The following TENM3 variants were observed in gnomAD, a reference collection of about 807,000 sequenced individuals.
The protein encoded by TENM3 is teneurin transmembrane protein 3.
Under a neutral mutation model 255.1 loss-of-function variants are expected in TENM3, and 63 were observed. That is an observed-to-expected ratio of 0.25 (90% confidence interval 0.20 to 0.30). TENM3 has a LOEUF of 0.30. Among genes scored for constraint, TENM3 ranks in the 10% least tolerant of loss-of-function variants. The pLI is 1.00. For synonymous variants in TENM3, 1,306 were observed against 1,322.3 expected (o/e 0.99, Z 0.27); for missense variants, 2,929 against 3,461.1 (o/e 0.85, Z 3.86).
chr4:181,697,206 A>G, the TENM3 span, among the ~76,000 whole-genome samples: 2 of 152,156 alleles, frequency 1.3e-5, no homozygotes, highest in Non-Finnish European at 2.9e-5. Flanking sequence ...GTGAACTGAG[A>G]GTGGCGAGTG....
chr4:181,554,752 A>G, the TENM3 span, among the ~76,000 whole-genome samples: 2 of 152,238 alleles, frequency 1.3e-5, no homozygotes, highest in Admixed American at 1.3e-4. Context: ...TTCATACTGA[A>G]GTTGACAACC....
At chr4:182,171,594 C>T (rs1163528189) in intron 1 of TENM3, among the ~76,000 whole-genome samples, 1 of 152,138 alleles carries the variant, frequency 6.6e-6, no homozygotes, top group East Asian at 1.9e-4. Context: ...CTCTCAGTCT[C>T]TTGGGTAGTT....
At chr4:181,560,839 T>G in the TENM3 span, among the ~76,000 whole-genome samples, 5 of 152,180 alleles carry the variant, frequency 3.3e-5, no homozygotes, top group Non-Finnish European at 7.3e-5. Context: ...CTGCTCACGG[T>G]GCAGGGCAAA....
the TENM3 span, among the ~76,000 whole-genome samples, chr4:182,008,071 A>G: frequency 6.6e-6 from 1 of 152,138 alleles, no homozygotes; most frequent in Non-Finnish European, 1.5e-5. Flanking sequence ...TCTGGCTTGT[A>G]GAGTTTCTGC....
chr4:181,522,645 A>G, the TENM3 span: 1 of 586,072 alleles, frequency 1.7e-6, no homozygotes, highest in Non-Finnish European at 3.3e-6. Flanking sequence ...TGTTGTAGCC[A>G]TAGTTTTCAG....
intron 3 of TENM3, among the ~76,000 whole-genome samples, chr4:182,599,875 ATC>A (rs1747658642): frequency 1.3e-5 from 2 of 152,226 alleles, no homozygotes; most frequent in African/African-American, 2.4e-5. Flanking sequence ...GTGGAACCAT[ATC>A]AGTTTAGCAT....
At chr4:182,689,865 A>T (rs1756882217) in intron 12 of TENM3, among the ~76,000 whole-genome samples, 1 of 152,230 alleles carries the variant, frequency 6.6e-6, no homozygotes, top group Non-Finnish European at 1.5e-5. Context: ...GCAATTTTTT[A>T]GCTCATCAGC....
At chr4:182,791,952 G>A (rs1766134844) in intron 25 of TENM3, among the ~76,000 whole-genome samples, 1 of 152,120 alleles carries the variant, frequency 6.6e-6, no homozygotes, top group Non-Finnish European at 1.5e-5. Flanking sequence ...CTGTAAAGCA[G>A]CTTTGATCAT....
chr4:182,701,314 G>A (rs1222715395), intron 12 of TENM3, among the ~76,000 whole-genome samples: 2 of 136,184 alleles, frequency 1.5e-5, no homozygotes, highest in Non-Finnish European at 3.1e-5. Context: ...TCCGCCTCCT[G>A]GGTTCAAGCA....
At chr4:181,536,736 T>G in the TENM3 span, among the ~76,000 whole-genome samples, 1 of 152,376 alleles carries the variant, frequency 6.6e-6, no homozygotes, top group Non-Finnish European at 1.5e-5. Context: ...AAAATAGCTT[T>G]CATTATTCTG....
intron 6 of TENM3, among the ~76,000 whole-genome samples, chr4:182,660,142 A>G (rs1161063722): frequency 6.6e-6 from 1 of 152,224 alleles, no homozygotes; most frequent in African/African-American, 2.4e-5. Context: ...TGTCACTATT[A>G]CTATTTAATG....
At chr4:182,114,691 G>C in the TENM3 span, among the ~76,000 whole-genome samples, 1 of 152,104 alleles carries the variant, frequency 6.6e-6, no homozygotes, top group African/African-American at 2.4e-5. Flanking sequence ...GTTAGAGCCA[G>C]GTGGGTACTA....
At chr4:181,567,541 C>G in the TENM3 span, among the ~76,000 whole-genome samples, 2 of 152,108 alleles carry the variant, frequency 1.3e-5, no homozygotes, top group African/African-American at 4.8e-5. Context: ...ACAGTTTCTA[C>G]CAAAACACCA....
the TENM3 span, among the ~76,000 whole-genome samples, chr4:181,659,586 A>G: frequency 1.3e-5 from 2 of 152,226 alleles, no homozygotes; most frequent in East Asian, 1.9e-4. Context: ...CTAACTAAAC[A>G]TTAGTCAAAG....
the TENM3 span, among the ~76,000 whole-genome samples, chr4:181,700,223 T>C: frequency 1.0e-5 from 1 of 95,542 alleles, no homozygotes; most frequent in African/African-American, 4.3e-5. Flanking sequence ...TTATTTTATT[T>C]CAGGGTCTTT....
intron 11 of TENM3, among the ~76,000 whole-genome samples, chr4:182,683,428 A>G (rs1051147058): frequency 6.6e-6 from 1 of 152,180 alleles, no homozygotes; most frequent in Non-Finnish European, 1.5e-5. Context: ...AGCATTTCAG[A>G]TTTTGTATTT....
chr4:181,648,692 C>A, the TENM3 span, among the ~76,000 whole-genome samples: 1 of 152,168 alleles, frequency 6.6e-6, no homozygotes, highest in African/African-American at 2.4e-5. Context: ...TAAGGTATAT[C>A]CTGTACTAGC....
At chr4:182,619,502 C>A (rs1445255161) in intron 4 of TENM3, among the ~76,000 whole-genome samples, 1 of 151,786 alleles carries the variant, frequency 6.6e-6, no homozygotes, top group Non-Finnish European at 1.5e-5. Context: ...GCCAGATCAA[C>A]AAAGAAACAA....
chr4:182,333,447 T>G (rs978798029), intron 2 of TENM3, among the ~76,000 whole-genome samples: 2 of 152,164 alleles, frequency 1.3e-5, no homozygotes, highest in Non-Finnish European at 2.9e-5. Flanking sequence ...AGAAATCTAC[T>G]AACATAATTA....
Sources: allele counts gnomAD v4.1 joint callset (sites outside exome capture counted in the v4.1 genomes callset), GRCh38; gene constraint gnomAD v4.1.1; transcripts MANE v1.5; gene names NCBI Gene and HGNC (gene_info 2026-07-23, HGNC 2026-07-21).